Variants in MFHAS1 observed in about 807,000 individuals in gnomAD.
MFHAS1 encodes the protein malignant fibrous histiocytoma-amplified sequence 1.
Under a neutral mutation model 70.4 loss-of-function variants are expected in MFHAS1, and 50 were observed. The ratio of observed to expected loss-of-function variants is 0.71; its 90% CI spans 0.57 to 0.90. The LOEUF is 0.90. Ranked by LOEUF, MFHAS1 falls within the 40% of genes least tolerant of loss-of-function variation. MFHAS1 has a pLI of 0.00. For synonymous variants in MFHAS1, 952 were observed against 620.0 expected (o/e 1.54, Z -7.96); for missense variants, 1,795 against 1,347.6 (o/e 1.33, Z -5.20).
chr8:8,875,128 C>T (rs946907506), intron 1 of MFHAS1, among the ~76,000 whole-genome samples: 1 of 152,210 alleles, frequency 6.6e-6, no homozygotes, highest in Non-Finnish European at 1.5e-5. Context: ...TTGCATCTGA[C>T]GTGCCCATCC....
intron 1 of MFHAS1, among the ~76,000 whole-genome samples, chr8:8,812,302 G>C (rs562292114): frequency 6.6e-6 from 1 of 152,126 alleles, no homozygotes; most frequent in Non-Finnish European, 1.5e-5. Flanking sequence ...TGAAGCCGGC[G>C]TAAGATCTTA....
At chr8:8,855,312 G>A (rs148720389) in intron 1 of MFHAS1, among the ~76,000 whole-genome samples, 1 of 152,198 alleles carries the variant, frequency 6.6e-6, no homozygotes. Flanking sequence ...GAAAACAGAT[G>A]AATTAAGACA....
At chr8:8,859,855 T>C (rs1256385880) in intron 1 of MFHAS1, 1 of 152,202 alleles carries the variant, frequency 6.6e-6, no homozygotes, top group Non-Finnish European at 1.5e-5. Flanking sequence ...GGGGGGTCGG[T>C]GCCCCCAATG....
chr8:8,842,251 C>A (rs7833171), intron 1 of MFHAS1, among the ~76,000 whole-genome samples: 2 of 151,144 alleles, frequency 1.3e-5, no homozygotes, highest in African/African-American at 2.4e-5. Flanking sequence ...GGTGGCTCAA[C>A]CTCGGCTCAC....
chr8:8,892,936 G>C lies in MFHAS1; in HGVS notation c.123C>G (p.Pro41=), dbSNP rs771390561. ...ACTCGAGCGCGTCGGCCCCGGCCCC[G>C]GGGCAGGCCCCGGCGGCGGTAAGCG... The part of the protein sequence containing the change: ...QLTLTAAGAC[P]GAGADALESP... The change falls in exon 1 of 3, where the codon CCC becomes CCG. Residue 41 remains proline, a synonymous_variant. Coordinates refer to ENST00000276282, the MANE Select transcript of MFHAS1 (RefSeq NM_004225.3). The surrounding 1 kb of genome is among the most constrained non-coding windows in gnomAD (Gnocchi z 4.7). 4.5e-6 allele frequency: 7 copies of C among 1,547,286 alleles called. No homozygotes were observed. Among genetic ancestry groups the C allele is most frequent in the Admixed American group, 2.0e-5 (1 of 50,018 alleles).
chr8:8,804,533 G>T (rs564636446), intron 1 of MFHAS1, among the ~76,000 whole-genome samples: 25 of 152,278 alleles, frequency 1.6e-4, no homozygotes, highest in African/African-American at 5.8e-4. Context: ...GCCAGTTGGG[G>T]CCTCTCAGAG....
intron 1 of MFHAS1, among the ~76,000 whole-genome samples, chr8:8,870,744 C>CG (rs1809044902): frequency 6.6e-6 from 1 of 152,212 alleles, no homozygotes; most frequent in African/African-American, 2.4e-5. Flanking sequence ...CTGCAAATCT[C>CG]TGCTTACTGT....
At chr8:8,871,680 C>G (rs145060586) in intron 1 of MFHAS1, among the ~76,000 whole-genome samples, 2 of 152,178 alleles carry the variant, frequency 1.3e-5, no homozygotes, top group African/African-American at 4.8e-5. Context: ...TATTTACAGA[C>G]GAAATTGAGG....
At chr8:8,795,335 G>A (rs999581943) in intron 2 of MFHAS1, among the ~76,000 whole-genome samples, 2 of 152,170 alleles carry the variant, frequency 1.3e-5, no homozygotes, top group South Asian at 2.1e-4. Flanking sequence ...TAAAATTTCC[G>A]TTGTTTGATA....
intron 1 of MFHAS1, among the ~76,000 whole-genome samples, chr8:8,862,340 T>C (rs1436647034): frequency 6.6e-6 from 1 of 150,658 alleles, no homozygotes; most frequent in Non-Finnish European, 1.5e-5. Context: ...AAAATCTCTA[T>C]TCAAAATATG....
chr8:8,891,955 A>G lies in MFHAS1; in HGVS notation c.1104T>C (p.Gly368=). ...GTGGGTTGTCTTTGATCTTCCACAA[A>G]CCCACCCGGGAGAGCTGGCCAAAGT... is the stretch of plus-strand genomic sequence containing the variant. ...PDHFGQLSRV[G]LWKIKDNPLI... Residue 368 remains glycine (G), a synonymous_variant, in exon 1 of 3, where the codon GGT becomes GGC. Transcript: ENST00000276282. This position sits in a 1 kb window ranked among gnomAD's most constrained non-coding sequence, Gnocchi z 5.4. The G allele has an allele frequency of 6.2e-7, 1 of 1,611,898 alleles. No individual in the cohort carries two copies. Among genetic ancestry groups the G allele is most frequent in the Non-Finnish European group, 8.5e-7 (1 of 1,179,008 alleles).
intron 1 of MFHAS1, among the ~76,000 whole-genome samples, chr8:8,834,548 A>G (rs1484706246): frequency 6.6e-6 from 1 of 152,214 alleles, no homozygotes; most frequent in African/African-American, 2.4e-5. Context: ...ATAATTGCCT[A>G]TAGTATTGAT....
chr8:8,806,141 C>T (rs968447663), intron 1 of MFHAS1, among the ~76,000 whole-genome samples: 1 of 152,152 alleles, frequency 6.6e-6, no homozygotes, highest in African/African-American at 2.4e-5. Context: ...CTAATACCTG[C>T]AACAGGAGAG....
Position 8,891,204 on chromosome 8 carries a change from G to T in MFHAS1, c.1855C>A (p.Gln619Lys). 1 of 1,612,850 alleles carries T rather than the reference G, an allele frequency of 6.2e-7. No homozygotes were observed. The highest frequency in any genetic ancestry group is 8.5e-7 in the Non-Finnish European group (1 of 1,180,030). ...HFQYLLNHRLQILSPVLPVSC... is the reference protein window; with the variant it reads ...HFQYLLNHRLKILSPVLPVSC... ...ACAGGCAACACGGGGGAGAGGATCT[G>T]CAGCCGGTGGTTGAGCAGGTATTGA... is the stretch of plus-strand genomic sequence containing the variant. The change falls in exon 1 of 3, where the codon CAG (glutamine) becomes AAG (lysine). Residue 619 changes from glutamine (Q) to lysine (K), a missense_variant. Transcript: ENST00000276282. This position sits in a 1 kb window ranked among gnomAD's most constrained non-coding sequence, Gnocchi z 5.4.
rs1339141908 is a variant in MFHAS1 at position 8,889,974 on chromosome 8, C to G, written c.2998+87G>C. On this transcript the variant is annotated intron_variant, in intron 1 of 2. Coordinates refer to ENST00000276282, the MANE Select transcript of MFHAS1 (RefSeq NM_004225.3). The stretch of plus-strand genomic sequence containing the variant: ...TTCCTGGAGAACCCGTGAAGTTAAA[C>G]AAACATTCTGCCAAATGACAACCAA... 7 of 1,180,034 alleles carry G rather than the reference C, an allele frequency of 5.9e-6. No homozygotes were observed. In the East Asian group the frequency reaches 1.4e-4, roughly 24 times the overall value. 73.1% of individuals were successfully genotyped at this position (1,180,034 alleles called of 1,614,324 possible). A position where few individuals can be genotyped will look rare whatever the true frequency, so the allele number is the denominator to read the frequency against.
chr8:8,837,599 C>T (rs1165058704), intron 1 of MFHAS1, among the ~76,000 whole-genome samples: 2 of 151,604 alleles, frequency 1.3e-5, no homozygotes, highest in Admixed American at 6.6e-5. Context: ...GCCAAGATCG[C>T]GCCACTGCAC....
At chr8:8,793,793 T>C (rs1014281490) in intron 2 of MFHAS1, among the ~76,000 whole-genome samples, 1 of 152,226 alleles carries the variant, frequency 6.6e-6, no homozygotes, top group African/African-American at 2.4e-5. Flanking sequence ...CAGAAAGTCG[T>C]GTACACACGT....
chr8:8,882,958 G>T (rs1040460298), intron 1 of MFHAS1, among the ~76,000 whole-genome samples: 1 of 152,142 alleles, frequency 6.6e-6, no homozygotes, highest in Admixed American at 6.5e-5. Context: ...TTTGAGACCA[G>T]CCTGGCCAAC....
chr8:8,851,495 G>C (rs1221471448), intron 1 of MFHAS1, among the ~76,000 whole-genome samples: 2 of 152,216 alleles, frequency 1.3e-5, no homozygotes, highest in Non-Finnish European at 2.9e-5. Context: ...TACGTGTGGA[G>C]TTGTTATCTA....
Sources: gnomAD v4.1 joint callset for allele counts (sites outside exome capture counted in the v4.1 genomes callset) on GRCh38, gnomAD v4.1.1 for gene constraint, Gnocchi (gnomAD v3.1) non-coding constraint, MANE v1.5 for transcripts, NCBI Gene and HGNC (gene_info 2026-07-23, HGNC 2026-07-21) for gene names.